Variants in TMEM26 observed in about 807,000 individuals in gnomAD.
TMEM26 encodes the protein transmembrane protein 26.
A neutral mutation model predicts 28.8 loss-of-function variants in TMEM26; 38 were observed. That is an observed-to-expected ratio of 1.32 (90% CI 1.02 to 1.73). The LOEUF is 1.73. Among genes scored for constraint, TMEM26 ranks in the 40% most tolerant of loss-of-function variants. The probability of loss-of-function intolerance (pLI) is 0.00; values close to 1 mark genes in which losing one functional copy is unlikely to be tolerated. For missense variants in TMEM26, 518 were observed against 447.1 expected (o/e 1.16, Z -1.43); for synonymous variants, 227 against 182.9 (o/e 1.24, Z -1.95).
intron 1 of TMEM26, among the ~76,000 whole-genome samples, chr10:61,445,606 G>A (rs1219195642): frequency 6.6e-6 from 1 of 151,958 alleles, no homozygotes; most frequent in Non-Finnish European, 1.5e-5. Context: ...ACATTAACAA[G>A]CCTTATATTC....
Position 61,442,761 on chromosome 10 carries a change from T to C in TMEM26, c.192-6513A>G, listed in dbSNP as rs137907476. 1.5e-4 allele frequency among the ~76,000 whole-genome samples: 23 copies of C among 152,366 alleles called. No individual in the cohort carries two copies. The East Asian group carries it at 4.2e-3, about 28-fold the overall frequency. On this transcript the variant is annotated intron_variant, in intron 1 of 5. Transcript: ENST00000399298. Reference sequence around the variant, plus strand: ...AACCTGTCTAACAATGCAAAGGTTGTCTGTCCTTCTTACATGTAGACTCAT... The same window carrying C: ...AACCTGTCTAACAATGCAAAGGTTGCCTGTCCTTCTTACATGTAGACTCAT...
At chr10:61,431,716 T>G (rs78005457) in intron 2 of TMEM26, among the ~76,000 whole-genome samples, 1 of 133,100 alleles carries the variant, frequency 7.5e-6, no homozygotes, top group Non-Finnish European at 1.6e-5. Flanking sequence ...AATTACAGTG[T>G]TTTTTTTTTT....
At chr10:61,413,710 A>T in intron 4 of TMEM26, 175 bp from the exon 5 acceptor site, 14 of 1,302,616 alleles carry the variant, frequency 1.1e-5, no homozygotes, top group Non-Finnish European at 1.4e-5. Context: ...AATAATGAAG[A>T]AGTGAAAAAT....
chr10:61,422,169 C>T (rs1248497953), intron 4 of TMEM26, among the ~76,000 whole-genome samples: 2 of 151,980 alleles, frequency 1.3e-5, no homozygotes, highest in African/African-American at 2.4e-5. Context: ...CAAAAACTGA[C>T]AGTATTTAAA....
intron 1 of TMEM26, among the ~76,000 whole-genome samples, chr10:61,436,696 A>G (rs1589039646): frequency 6.6e-6 from 1 of 152,330 alleles, no homozygotes; most frequent in African/African-American, 2.4e-5. Flanking sequence ...GAGCTCAAAC[A>G]ATAATATGAT....
At chr10:61,448,619 GTTT>G (rs199499296) in intron 1 of TMEM26, among the ~76,000 whole-genome samples, 5 of 126,604 alleles carry the variant, frequency 3.9e-5, no homozygotes, top group East Asian at 2.2e-4. Context: ...CTGTTTTTTT[GTTT>G]TTTTTTTTTT....
Position 61,453,218 on chromosome 10 carries a change from G to C in TMEM26, c.-137C>G. On this transcript the variant is annotated 5_prime_UTR_variant, in exon 1 of 6. Coordinates refer to ENST00000399298, the MANE Select transcript of TMEM26 (RefSeq NM_178505.8). ...TGCTTGTGGTCCCTTCTCACCCTCA[G>C]CGCCCGATGCCGGTAGAACTGGTGC... The C allele has an allele frequency of 1.2e-6, 1 of 867,980 alleles. No individual in the cohort carries two copies. Among genetic ancestry groups the C allele is most frequent in the South Asian group, 1.7e-5 (1 of 58,384 alleles). The allele number at this position is 867,980 out of a possible 1,614,324, so 53.8% of individuals were successfully genotyped here. A position where few individuals can be genotyped will look rare whatever the true frequency, so the allele number is the denominator to read the frequency against.
At chr10:61,424,284 A>T (rs1208481135) in intron 4 of TMEM26, among the ~76,000 whole-genome samples, 2 of 152,184 alleles carry the variant, frequency 1.3e-5, no homozygotes, top group Non-Finnish European at 1.5e-5. Flanking sequence ...GTGAAAATAA[A>T]ATTAAAAAAA....
At chr10:61,419,630 G>A (rs888406259) in intron 4 of TMEM26, among the ~76,000 whole-genome samples, 3 of 151,898 alleles carry the variant, frequency 2.0e-5, no homozygotes, top group Non-Finnish European at 4.4e-5. Context: ...AATAAAAATC[G>A]AATCTGAAAG....
intron 2 of TMEM26, among the ~76,000 whole-genome samples, chr10:61,432,454 T>C (rs1215027220): frequency 6.6e-6 from 1 of 152,122 alleles, no homozygotes; most frequent in African/African-American, 2.4e-5. Context: ...GGAAAAATTA[T>C]GTAAGAGAAG....
chr10:61,426,049 A>G (rs4948277), intron 4 of TMEM26, among the ~76,000 whole-genome samples: 22,324 of 152,140 alleles, frequency 0.15, 1,773 homozygotes, highest in East Asian at 0.22. Flanking sequence ...ATGTACATCT[A>G]CTACTGAATG....
chr10:61,429,944 A>G (rs907078319), intron 3 of TMEM26, among the ~76,000 whole-genome samples: 2 of 152,080 alleles, frequency 1.3e-5, no homozygotes, highest in Non-Finnish European at 2.9e-5. Context: ...TGTTTGTGCA[A>G]AATTCATTTA....
chr10:61,435,421 C>T (rs1839987930), intron 2 of TMEM26, among the ~76,000 whole-genome samples: 2 of 152,152 alleles, frequency 1.3e-5, no homozygotes, highest in African/African-American at 4.8e-5. Context: ...CCTCGTGATC[C>T]ACCCGCTTCG....
intron 1 of TMEM26, among the ~76,000 whole-genome samples, chr10:61,442,874 C>A (rs1840116535): frequency 6.6e-6 from 1 of 152,100 alleles, no homozygotes; most frequent in South Asian, 2.1e-4. Flanking sequence ...ATATGATGAC[C>A]AATATAACAA....
chr10:61,408,981 T>A lies in TMEM26; in HGVS notation c.*1341A>T, dbSNP rs1839529879. On this transcript the variant is annotated 3_prime_UTR_variant, in exon 6 of 6. Coordinates refer to ENST00000399298, the MANE Select transcript of TMEM26 (RefSeq NM_178505.8). ...AATAAGTCATACCAAATTAAGGGCA[T>A]ACCCCACCTTAAATGTCCCTTTGAA... The A allele has an allele frequency of 6.6e-6, 1 of 152,184 alleles. No homozygotes were observed. The highest frequency in any genetic ancestry group is 2.4e-5 in the African/African-American group (1 of 41,452). 9.4% of individuals were successfully genotyped at this position (152,184 alleles called of 1,614,324 possible). A position where few individuals can be genotyped will look rare whatever the true frequency, so the allele number is the denominator to read the frequency against.
intron 5 of TMEM26, among the ~76,000 whole-genome samples, chr10:61,411,951 T>C (rs1454041501): frequency 6.6e-6 from 1 of 152,214 alleles, no homozygotes; most frequent in Admixed American, 6.5e-5. Context: ...AACAGCTGCA[T>C]AACATTATCA....
chr10:61,453,194 G>T lies in TMEM26; in HGVS notation c.-113C>A. ...ATGACAAGCACTGAGACCTGCTGCT[G>T]CTTGTGGTCCCTTCTCACCCTCAGC... On this transcript the variant is annotated 5_prime_UTR_variant, in exon 1 of 6. Coordinates refer to ENST00000399298, the MANE Select transcript of TMEM26 (RefSeq NM_178505.8). 8.7e-7 allele frequency: 1 copy of T among 1,143,464 alleles called. No homozygotes were observed. The highest frequency in any genetic ancestry group is 1.2e-6 in the Non-Finnish European group (1 of 811,064). The allele number at this position is 1,143,464 out of a possible 1,614,324, so 70.8% of individuals were successfully genotyped here. A position where few individuals can be genotyped will look rare whatever the true frequency, so the allele number is the denominator to read the frequency against.
intron 4 of TMEM26, among the ~76,000 whole-genome samples, chr10:61,425,375 T>C (rs112086974): frequency 0.016 from 2,413 of 152,218 alleles, 36 homozygotes; most frequent in Non-Finnish European, 0.024. Flanking sequence ...AAATTACATT[T>C]CTCATTTAGA....
intron 4 of TMEM26, among the ~76,000 whole-genome samples, chr10:61,419,421 G>A (rs1839706476): frequency 1.3e-5 from 2 of 152,028 alleles, no homozygotes; most frequent in South Asian, 4.1e-4. Context: ...AGTTTGATTG[G>A]TTAAAGAAAA....
Sources: gnomAD v4.1 joint callset for allele counts (sites outside exome capture counted in the v4.1 genomes callset) on GRCh38, gnomAD v4.1.1 for gene constraint, MANE v1.5 for transcripts, NCBI Gene and HGNC (gene_info 2026-07-23, HGNC 2026-07-21) for gene names.